Variants in KRABD5 observed in about 807,000 individuals in gnomAD.
KRABD5 encodes the protein KRAB domain containing 5, also known as KRAB domain-containing protein 5.
chr16:31,760,745 A>T, the KRABD5 span: 1 of 152,176 alleles, frequency 6.6e-6, no homozygotes, highest in African/African-American at 2.4e-5. Context: ...AAATACTAAA[A>T]TGAAAAGAAT....
the KRABD5 span, among the ~76,000 whole-genome samples, chr16:31,732,324 C>A: frequency 6.6e-6 from 1 of 152,112 alleles, no homozygotes. Context: ...TGTCATCTTG[C>A]TTATGTTTCT....
the KRABD5 span, among the ~76,000 whole-genome samples, chr16:31,715,800 A>G: frequency 6.6e-6 from 1 of 152,192 alleles, no homozygotes; most frequent in Non-Finnish European, 1.5e-5. Flanking sequence ...ACACAGTGTC[A>G]TAAAAAAGAT....
At chr16:31,729,313 A>G in the KRABD5 span, among the ~76,000 whole-genome samples, 1 of 152,212 alleles carries the variant, frequency 6.6e-6, no homozygotes, top group South Asian at 2.1e-4. Context: ...GGTGATTTAT[A>G]AGGAATACAA....
the KRABD5 span, among the ~76,000 whole-genome samples, chr16:31,725,974 A>G: frequency 6.6e-6 from 1 of 151,958 alleles, no homozygotes; most frequent in South Asian, 2.1e-4. Flanking sequence ...TTTTAGTTTG[A>G]TGTAGTCCCG....
chr16:31,728,601 G>A, the KRABD5 span, among the ~76,000 whole-genome samples: 1 of 151,546 alleles, frequency 6.6e-6, no homozygotes, highest in Non-Finnish European at 1.5e-5. Context: ...TGAATTTCCA[G>A]TTTTCTTTCT....
At chr16:31,757,099 A>G in the KRABD5 span, 1 of 152,320 alleles carries the variant, frequency 6.6e-6, no homozygotes, top group East Asian at 1.9e-4. Context: ...GAAGAATTAT[A>G]TAATTTTCTT....
chr16:31,736,574 A>G, the KRABD5 span, among the ~76,000 whole-genome samples: 3 of 147,848 alleles, frequency 2.0e-5, no homozygotes, highest in African/African-American at 7.5e-5. Context: ...TTGGAGTGCA[A>G]TGGCGCGATT....
the KRABD5 span, among the ~76,000 whole-genome samples, chr16:31,726,688 G>C: frequency 1.3e-5 from 2 of 152,100 alleles, no homozygotes; most frequent in Non-Finnish European, 2.9e-5. Context: ...TTGAACCCAG[G>C]AGCGGAGGTT....
At chr16:31,746,860 C>T in the KRABD5 span, among the ~76,000 whole-genome samples, 1 of 151,920 alleles carries the variant, frequency 6.6e-6, no homozygotes, top group Non-Finnish European at 1.5e-5. Flanking sequence ...CTTATTTCAG[C>T]CAGGTGGTCT....
At chr16:31,755,173 C>T in the KRABD5 span, 32 of 478,660 alleles carry the variant, frequency 6.7e-5, 1 homozygote, top group South Asian at 4.8e-4. Flanking sequence ...GTAGGTCGTA[C>T]CTAACTAAAC....
the KRABD5 span, among the ~76,000 whole-genome samples, chr16:31,747,740 G>T: frequency 6.6e-6 from 1 of 152,242 alleles, no homozygotes; most frequent in South Asian, 2.1e-4. Context: ...CTGATGGCCA[G>T]TGATGATGCG....
At chr16:31,735,082 CTCTTTTCT>C in the KRABD5 span, among the ~76,000 whole-genome samples, 17 of 150,690 alleles carry the variant, frequency 1.1e-4, no homozygotes, top group Admixed American at 9.9e-4. Context: ...CTTTTCTTTT[CTCTTTTCT>C]TTTCTTTCTC....
At chr16:31,729,027 T>C in the KRABD5 span, among the ~76,000 whole-genome samples, 26 of 152,358 alleles carry the variant, frequency 1.7e-4, no homozygotes, top group African/African-American at 6.0e-4. Flanking sequence ...TATTATATAG[T>C]TAACTCCTTT....
chr16:31,758,716 T>C, the KRABD5 span: 5 of 151,560 alleles, frequency 3.3e-5, no homozygotes, highest in East Asian at 9.8e-4. Flanking sequence ...AGAAGTTGTT[T>C]TGAGCCAAGA....
At chr16:31,728,919 A>C in the KRABD5 span, among the ~76,000 whole-genome samples, 1 of 152,100 alleles carries the variant, frequency 6.6e-6, no homozygotes, top group Admixed American at 6.5e-5. Context: ...TTCTCCTTCC[A>C]GTTCTGTTAA....
At chr16:31,724,563 G>T in the KRABD5 span, among the ~76,000 whole-genome samples, 1 of 151,952 alleles carries the variant, frequency 6.6e-6, no homozygotes, top group African/African-American at 2.4e-5. Context: ...GTGGTGGCGG[G>T]TGCCTGTAGT....
chr16:31,744,494 A>C, the KRABD5 span, among the ~76,000 whole-genome samples: 1 of 152,308 alleles, frequency 6.6e-6, no homozygotes, highest in African/African-American at 2.4e-5. Flanking sequence ...GTGGTGGATA[A>C]GTTTTTTGAT....
chr16:31,749,202 G>A, the KRABD5 span, among the ~76,000 whole-genome samples: 2 of 152,210 alleles, frequency 1.3e-5, no homozygotes, highest in African/African-American at 4.8e-5. Flanking sequence ...AGTGAGAAAG[G>A]ATGGCCTGGG....
At chr16:31,724,991 TC>T in the KRABD5 span, among the ~76,000 whole-genome samples, 4 of 152,244 alleles carry the variant, frequency 2.6e-5, no homozygotes, top group Non-Finnish European at 5.9e-5. Context: ...GGTTCATTCA[TC>T]CATGTTGTCA....
Sources: gnomAD v4.1 joint callset for allele counts (sites outside exome capture counted in the v4.1 genomes callset) on GRCh38, gnomAD v4.1.1 for gene constraint, MANE v1.5 for transcripts, NCBI Gene and HGNC (gene_info 2026-07-23, HGNC 2026-07-21) for gene names.